SHLD1: variants seen among roughly 807,000 people sequenced by gnomAD.
SHLD1 encodes the protein shieldin complex subunit 1.
Under a neutral mutation model 5.5 loss-of-function variants are expected in SHLD1, and 3 were observed. The ratio of observed to expected loss-of-function variants is 0.54; its 90% CI spans 0.25 to 1.40. The LOEUF (loss-of-function observed/expected upper bound fraction) is 1.40, where lower values mean the gene tolerates loss of function less well. SHLD1 is among the 40% of genes most tolerant of loss of function. The pLI, the probability that SHLD1 is intolerant of heterozygous loss-of-function variation, is 0.15. For synonymous variants in SHLD1, 92 were observed against 94.3 expected (o/e 0.98, Z 0.14); for missense variants, 210 against 244.4 (o/e 0.86, Z 0.94).
At chr20:5,774,747 C>A (rs964682551) in intron 2 of SHLD1, among the ~76,000 whole-genome samples, 3 of 152,160 alleles carry the variant, frequency 2.0e-5, no homozygotes, top group Non-Finnish European at 4.4e-5. Context: ...CCCCATGAAC[C>A]AATCACCTCC....
At chr20:5,797,450 T>C (rs2087229198) in intron 2 of SHLD1, among the ~76,000 whole-genome samples, 1 of 152,078 alleles carries the variant, frequency 6.6e-6, no homozygotes, top group South Asian at 2.1e-4. Context: ...TAGTCCCAGC[T>C]ACTCAAGAGG....
At chr20:5,831,923 C>T (rs147541421) in intron 2 of SHLD1, among the ~76,000 whole-genome samples, 1 of 152,126 alleles carries the variant, frequency 6.6e-6, no homozygotes, top group African/African-American at 2.4e-5. Flanking sequence ...CTTTCATGCT[C>T]TCTGCCCCGT....
At chr20:5,840,922 T>TA (rs397762534) in intron 2 of SHLD1, among the ~76,000 whole-genome samples, 8 of 152,040 alleles carry the variant, frequency 5.3e-5, no homozygotes, top group Non-Finnish European at 8.8e-5. Context: ...TTCTTTTTTT[T>TA]AATATTCTTA....
At position 5,863,661 on chromosome 20, in the gene SHLD1, G is replaced by A; in HGVS notation, c.*198G>A. ...CATATGGAGAGCCAGCAGGGTCTGGGAGTTCTCCGTCCTCTTGGCCAAGGC... is the reference window on the plus strand; with the variant it reads ...CATATGGAGAGCCAGCAGGGTCTGGAAGTTCTCCGTCCTCTTGGCCAAGGC... On this transcript the variant is annotated 3_prime_UTR_variant, in exon 3 of 3. Coordinates refer to ENST00000303142, the MANE Select transcript of SHLD1 (RefSeq NM_152504.4). 3.6e-6 allele frequency: 2 copies of A among 552,938 alleles called. No individual in the cohort carries two copies. The highest frequency in any genetic ancestry group is 6.2e-6 in the Non-Finnish European group (2 of 322,994). The allele number at this position is 552,938 out of a possible 1,614,324, so 34.3% of individuals were successfully genotyped here.
intron 2 of SHLD1, among the ~76,000 whole-genome samples, chr20:5,846,642 A>G (rs950307077): frequency 6.6e-6 from 1 of 152,200 alleles, no homozygotes; most frequent in African/African-American, 2.4e-5. Flanking sequence ...CCTGGCTCCA[A>G]ATGGCTCCTG....
intron 2 of SHLD1, among the ~76,000 whole-genome samples, chr20:5,835,830 T>G (rs2087782423): frequency 1.3e-5 from 2 of 152,214 alleles, no homozygotes; most frequent in South Asian, 4.1e-4. Flanking sequence ...ACAGGAAAAG[T>G]TGCAGAAAAA....
intron 1 of SHLD1, among the ~76,000 whole-genome samples, chr20:5,758,241 A>G (rs1984237490): frequency 2.0e-5 from 3 of 147,558 alleles, no homozygotes; most frequent in Admixed American, 6.8e-5. Context: ...GGCCTGAGGT[A>G]CAAGCTAAGG....
chr20:5,804,837 A>G (rs1247321280), intron 2 of SHLD1, among the ~76,000 whole-genome samples: 1 of 152,234 alleles, frequency 6.6e-6, no homozygotes, highest in African/African-American at 2.4e-5. Context: ...AAGAGATTCC[A>G]CATATTCAAA....
At position 5,855,630 on chromosome 20, in the gene SHLD1, C is replaced by A. The variant is rs1187222423; in HGVS notation, c.179-7394C>A. On this transcript the variant is annotated intron_variant, in intron 2 of 2. Coordinates refer to ENST00000303142, the MANE Select transcript of SHLD1 (RefSeq NM_152504.4). The surrounding 1 kb of genome is among the most constrained non-coding windows in gnomAD (Gnocchi z 4.4). ...CAAGAGATCCACTTTCCTTGGCCCC[C>A]CAAAGTGCTGGGATTATAGACATGA... Among the ~76,000 whole-genome samples, 1 of 152,190 alleles carries A rather than the reference C, an allele frequency of 6.6e-6. No individual in the cohort carries two copies. Among genetic ancestry groups the A allele is most frequent in the South Asian group, 2.1e-4 (1 of 4,830 alleles).
chr20:5,771,996 T>C (rs1356701597), intron 1 of SHLD1: 1 of 432,668 alleles, frequency 2.3e-6, no homozygotes. Flanking sequence ...TGCCTCTGAC[T>C]CCCAAGTAGC....
In SHLD1 at chr20:5,793,224, T is replaced by C. The variant is rs575329210; in HGVS notation, c.178+20181T>C. On this transcript the variant is annotated intron_variant, in intron 2 of 2. Transcript: ENST00000303142. ...AGTGTGGGTCCTCCAACTTTTTTTT[T>C]CCTCGGAATTGTTTTTGCTATTTGG... Among the ~76,000 whole-genome samples, 5 of 152,326 alleles carry C rather than the reference T, an allele frequency of 3.3e-5. No individual in the cohort carries two copies. In the South Asian group the frequency reaches 6.2e-4, roughly 19 times the overall value.
chr20:5,791,526 T>C (rs2122305967), intron 2 of SHLD1, among the ~76,000 whole-genome samples: 3 of 129,418 alleles, frequency 2.3e-5, no homozygotes, highest in Middle Eastern at 0.012. Flanking sequence ...ATTGCACCAC[T>C]GCACTCCAGC....
intron 2 of SHLD1, among the ~76,000 whole-genome samples, chr20:5,813,040 A>AT (rs2087480669): frequency 6.6e-6 from 1 of 151,258 alleles, no homozygotes; most frequent in Non-Finnish European, 1.5e-5. Flanking sequence ...ATGCCTGGCT[A>AT]TTTTTTTCTA....
chr20:5,846,072 T>C (rs1345523189), intron 2 of SHLD1, among the ~76,000 whole-genome samples: 2 of 152,236 alleles, frequency 1.3e-5, no homozygotes, highest in African/African-American at 4.8e-5. Flanking sequence ...CGCCAGACTT[T>C]CCTCATCTAT....
At chr20:5,768,565 T>C (rs1014680405) in intron 1 of SHLD1, among the ~76,000 whole-genome samples, 1 of 152,238 alleles carries the variant, frequency 6.6e-6, no homozygotes, top group Non-Finnish European at 1.5e-5. Context: ...AATAATTGAC[T>C]GACTGCATGT....
At chr20:5,786,053 C>A (rs1405166760) in intron 2 of SHLD1, among the ~76,000 whole-genome samples, 1 of 152,112 alleles carries the variant, frequency 6.6e-6, no homozygotes, top group Non-Finnish European at 1.5e-5. Context: ...AAAGCAGTAC[C>A]CCAAAATGAA....
At chr20:5,778,250 A>G (rs1194406923) in intron 2 of SHLD1, among the ~76,000 whole-genome samples, 14 of 148,132 alleles carry the variant, frequency 9.5e-5, no homozygotes, top group Admixed American at 4.8e-4. Flanking sequence ...CCAAGTAGCT[A>G]GGACTACAGG....
rs11473559 is a variant in SHLD1, at chr20:5,843,295, C to CTTTTT, written c.179-19721_179-19717dup. Among the ~76,000 whole-genome samples, 392 of 141,722 alleles carry CTTTTT rather than the reference C, an allele frequency of 2.8e-3. 6 individuals are homozygous for CTTTTT. The highest frequency in any genetic ancestry group is 9.7e-3 in the African/African-American group (369 of 38,044). The allele number at this position is 141,722 out of a possible 152,430, so 93.0% of individuals were successfully genotyped here. ...CTGGCTCATGATCAATTGTTTTTTT[C>CTTTTT]TTTTTTTTTTTTCCTTTTATTTTCT... On this transcript the variant is annotated intron_variant, in intron 2 of 2. Coordinates refer to ENST00000303142, the MANE Select transcript of SHLD1 (RefSeq NM_152504.4).
intron 2 of SHLD1, among the ~76,000 whole-genome samples, chr20:5,857,926 C>T (rs1475057595): frequency 2.0e-5 from 3 of 152,036 alleles, no homozygotes; most frequent in Admixed American, 6.6e-5. Context: ...GGTGAAACCC[C>T]GTCTCTACTG....
Sources: gnomAD v4.1 joint callset for allele counts (sites outside exome capture counted in the v4.1 genomes callset) on GRCh38, gnomAD v4.1.1 for gene constraint, Gnocchi (gnomAD v3.1) non-coding constraint, MANE v1.5 for transcripts, NCBI Gene and HGNC (gene_info 2026-07-23, HGNC 2026-07-21) for gene names.